GALNT13: variants seen among roughly 807,000 people sequenced by gnomAD.
GALNT13 encodes the protein UDP-GalNAc:polypeptide N-acetylgalactosaminyltransferase 13.
A neutral mutation model predicts 64.2 loss-of-function variants in GALNT13; 28 were observed. The ratio of observed to expected loss-of-function variants is 0.44; its 90% CI spans 0.32 to 0.60. The LOEUF is 0.60. Ranked by LOEUF, GALNT13 falls within the 20% of genes least tolerant of loss-of-function variation. The probability of loss-of-function intolerance (pLI) is 0.05; values close to 1 mark genes in which losing one functional copy is unlikely to be tolerated. For synonymous variants in GALNT13, 214 were observed against 224.6 expected (o/e 0.95, Z 0.42); for missense variants, 577 against 669.8 (o/e 0.86, Z 1.53).
the GALNT13 span, among the ~76,000 whole-genome samples, chr2:153,849,928 G>A: frequency 6.6e-5 from 10 of 150,740 alleles, no homozygotes; most frequent in East Asian, 1.8e-3. Context: ...TTGGGAGGCC[G>A]AGGAGGGTGG....
intron 3 of GALNT13, among the ~76,000 whole-genome samples, chr2:153,990,714 G>A (rs534595286): frequency 1.3e-5 from 2 of 152,118 alleles, no homozygotes. Context: ...AGCAGTGTTA[G>A]CAACAAGTCT....
chr2:153,685,678 A>T, the GALNT13 span, among the ~76,000 whole-genome samples: 1 of 151,778 alleles, frequency 6.6e-6, no homozygotes, highest in Admixed American at 6.6e-5. Flanking sequence ...ATTAGACCCC[A>T]TTTGTCAATT....
At chr2:153,459,524 C>A in the GALNT13 span, among the ~76,000 whole-genome samples, 9 of 152,242 alleles carry the variant, frequency 5.9e-5, no homozygotes, top group South Asian at 1.5e-3. Flanking sequence ...ACATTATAAA[C>A]CCATATGCAC....
At chr2:153,116,620 A>T in the GALNT13 span, among the ~76,000 whole-genome samples, 239 of 152,226 alleles carry the variant, frequency 1.6e-3, 3 homozygotes, top group African/African-American at 5.5e-3. Context: ...ATCTAGCTTT[A>T]AGTGATTAGA....
intron 9 of GALNT13, among the ~76,000 whole-genome samples, chr2:154,357,254 C>T (rs1307741114): frequency 6.6e-6 from 1 of 152,016 alleles, no homozygotes; most frequent in Non-Finnish European, 1.5e-5. Context: ...CTTTGTAGCA[C>T]TCTTGGATGA....
At chr2:153,663,616 A>C in the GALNT13 span, among the ~76,000 whole-genome samples, 1 of 152,008 alleles carries the variant, frequency 6.6e-6, no homozygotes, top group Non-Finnish European at 1.5e-5. Context: ...GAATATCCCC[A>C]CTCCCAAAGA....
the GALNT13 span, among the ~76,000 whole-genome samples, chr2:153,166,528 C>T: frequency 6.6e-6 from 1 of 152,080 alleles, no homozygotes; most frequent in African/African-American, 2.4e-5. Context: ...ATGTGAGGCA[C>T]TCCTGGATGG....
At chr2:153,879,833 G>C (rs911770721) in intron 1 of GALNT13, among the ~76,000 whole-genome samples, 7 of 152,122 alleles carry the variant, frequency 4.6e-5, no homozygotes, top group African/African-American at 1.7e-4. Context: ...TTTAGAAGTT[G>C]TTGCACCAGA....
the GALNT13 span, among the ~76,000 whole-genome samples, chr2:153,222,411 T>G: frequency 0.017 from 843 of 49,642 alleles, 9 homozygotes; most frequent in African/African-American, 0.056. Context: ...TGGCCGGGCC[T>G]GGAGAAAGCA....
chr2:153,741,178 A>AT, the GALNT13 span, among the ~76,000 whole-genome samples: 387 of 150,790 alleles, frequency 2.6e-3, 2 homozygotes, highest in African/African-American at 8.9e-3. Flanking sequence ...TCACTATCGT[A>AT]TTTTTTTTTC....
the GALNT13 span, among the ~76,000 whole-genome samples, chr2:153,350,254 T>G: frequency 4.6e-5 from 7 of 152,200 alleles, no homozygotes; most frequent in Non-Finnish European, 1.0e-4. Context: ...TGTTGGAAGC[T>G]TTCTTTCTTG....
At chr2:153,872,632 GGGA>G (rs200655314) in intron 1 of GALNT13, among the ~76,000 whole-genome samples, 65,801 of 129,800 alleles carry the variant, frequency 0.51, 22,760 homozygotes, top group Admixed American at 0.66. Context: ...GGGGGGGGGG[GGGA>G]GCGGCTCTGG....
intron 3 of GALNT13, among the ~76,000 whole-genome samples, chr2:154,002,940 C>A (rs1428886087): frequency 3.9e-5 from 6 of 152,148 alleles, no homozygotes; most frequent in African/African-American, 1.2e-4. Context: ...TGACTTATTG[C>A]AGTCTGAAGA....
intron 2 of GALNT13, among the ~76,000 whole-genome samples, chr2:153,912,070 T>G (rs1179549466): frequency 6.6e-6 from 1 of 152,182 alleles, no homozygotes; most frequent in East Asian, 1.9e-4. Flanking sequence ...CTTTATATAA[T>G]CCCATATTTC....
the GALNT13 span, among the ~76,000 whole-genome samples, chr2:153,258,268 G>A: frequency 6.6e-5 from 10 of 151,996 alleles, no homozygotes; most frequent in Admixed American, 5.9e-4. Flanking sequence ...CTTTTAAATC[G>A]AGCTCAGTGG....
chr2:153,461,909 A>G, the GALNT13 span, among the ~76,000 whole-genome samples: 1 of 152,122 alleles, frequency 6.6e-6, no homozygotes, highest in Non-Finnish European at 1.5e-5. Flanking sequence ...GGAGGGGAAG[A>G]ACTGCTCTGA....
At chr2:154,031,667 A>G (rs1698347112) in intron 3 of GALNT13, among the ~76,000 whole-genome samples, 1 of 152,004 alleles carries the variant, frequency 6.6e-6, no homozygotes, top group South Asian at 2.1e-4. Flanking sequence ...ACATTAAATA[A>G]TGACAAAGAA....
chr2:153,493,702 T>C, the GALNT13 span, among the ~76,000 whole-genome samples: 1 of 151,972 alleles, frequency 6.6e-6, no homozygotes, highest in South Asian at 2.1e-4. Context: ...TCATTATAGA[T>C]GAATATTCTT....
rs773442387 is a variant in GALNT13 at position 154,245,011 on chromosome 2, CAGG to C, written c.687-798_687-796del. Among the ~76,000 whole-genome samples, 18 of 151,878 alleles carry C rather than the reference CAGG, an allele frequency of 1.2e-4. No individual in the cohort carries two copies. The East Asian group carries it at 2.5e-3, about 21-fold the overall frequency. On this transcript the variant is annotated intron_variant, in intron 6 of 12. Coordinates refer to ENST00000392825, the MANE Select transcript of GALNT13 (RefSeq NM_052917.4). ...TGGCAGGCACGTTGGGAGGCTGAGG[CAGG>C]AGAATTGCTTGAACCTGGGAGGCAG... is the stretch of plus-strand genomic sequence containing the variant.
Sources: gnomAD v4.1 joint callset for allele counts (sites outside exome capture counted in the v4.1 genomes callset) on GRCh38, gnomAD v4.1.1 for gene constraint, MANE v1.5 for transcripts, NCBI Gene and HGNC (gene_info 2026-07-23, HGNC 2026-07-21) for gene names.